Variants in MICALL1 observed in about 807,000 individuals in gnomAD.
MICALL1 encodes the protein MICAL like 1.
A neutral mutation model predicts 83.7 loss-of-function variants in MICALL1; 61 were observed. That is an observed-to-expected ratio of 0.73 (90% CI 0.59 to 0.90). MICALL1 has a LOEUF of 0.90. Ranked by LOEUF, MICALL1 falls within the 40% of genes least tolerant of loss-of-function variation. The pLI, the probability that MICALL1 is intolerant of heterozygous loss-of-function variation, is 0.00. For missense variants in MICALL1, 1,066 were observed against 1,152.0 expected, an observed-to-expected ratio of 0.93 and a Z score of 1.08; for synonymous variants, 481 against 473.6, an observed-to-expected ratio of 1.02 and a Z score of -0.20.
In MICALL1 at chr22:37,919,032, G is replaced by A; in HGVS notation, c.427-4G>A. On this transcript the variant is annotated splice_polypyrimidine_tract_variant and splice_region_variant and intron_variant, in intron 4 of 15. Transcript: ENST00000215957. ...CCCAACCTCCCCCACCTCGTTCTCT[G>A]CAGGGCGAGGAGCTCTCCTCAGGCA... is the stretch of plus-strand genomic sequence containing the variant. 2.1e-5 allele frequency: 32 copies of A among 1,546,808 alleles called. No homozygotes were observed. The highest frequency in any genetic ancestry group is 2.7e-5 in the Non-Finnish European group (31 of 1,143,892).
chr22:37,931,379 A>T (rs1929776467), intron 9 of MICALL1, among the ~76,000 whole-genome samples: 1 of 133,220 alleles, frequency 7.5e-6, no homozygotes, highest in Non-Finnish European at 1.5e-5. Context: ...CTGTCTTTAC[A>T]AAAAAAAAAA....
chr22:37,940,610 C>A, intron 15 of MICALL1, 99 bp from the exon 16 acceptor site: 1 of 1,459,606 alleles, frequency 6.9e-7, no homozygotes, highest in Non-Finnish European at 9.4e-7. Context: ...CTGGGCTGAG[C>A]CCTGCTGCCC....
intron 3 of MICALL1, among the ~76,000 whole-genome samples, chr22:37,913,695 A>G (rs1397010911): frequency 1.3e-5 from 2 of 152,126 alleles, no homozygotes; most frequent in Non-Finnish European, 2.9e-5. Flanking sequence ...GAGATGAGAT[A>G]GGCCTAGAGA....
At position 37,938,359 on chromosome 22, in the gene MICALL1, G is replaced by A. The variant is rs536728756; in HGVS notation, c.2470+567G>A. ...GGAGCTTGCAGTGAGCCGAGATCACGCCAGTGCACTCCAGCCTGGGTGACA... is the reference window on the plus strand; with the variant it reads ...GGAGCTTGCAGTGAGCCGAGATCACACCAGTGCACTCCAGCCTGGGTGACA... On this transcript the variant is annotated intron_variant, in intron 15 of 15. Coordinates refer to ENST00000215957, the MANE Select transcript of MICALL1 (RefSeq NM_033386.4). Among the ~76,000 whole-genome samples the A allele has an allele frequency of 1.8e-3, 260 of 143,948 alleles. 1 individual carries two copies. The highest frequency in any genetic ancestry group is 0.015 in the South Asian group (67 of 4,472). The allele number at this position is 143,948 out of a possible 152,430, so 94.4% of individuals were successfully genotyped here.
In MICALL1 at chr22:37,925,869, G is replaced by A. The variant is rs1242315888; in HGVS notation, c.1291G>A (p.Glu431Lys). 1.9e-6 allele frequency: 3 copies of A among 1,613,830 alleles called. No homozygotes were observed. The highest frequency in any genetic ancestry group is 2.2e-5 in the South Asian group (2 of 91,064). Residue 431 changes from glutamate to lysine, a missense_variant, in exon 8 of 16, where the codon GAG becomes AAG. By Grantham distance (56) the Glu-to-Lys change is moderately conservative. Transcript: ENST00000215957. ...SKPYNPFEEE[E>K]EDKEEEAPAA... ...ACCCTATAACCCCTTTGAGGAGGAG[G>A]AGGAGGACAAGGAGGAAGAGGCTCC...
At chr22:37,908,906 G>A (rs1928139456) in intron 1 of MICALL1, among the ~76,000 whole-genome samples, 1 of 152,194 alleles carries the variant, frequency 6.6e-6, no homozygotes. Flanking sequence ...CAAGGGGCGG[G>A]AGGTGTGTGC....
intron 3 of MICALL1, 116 bp downstream of exon 3, chr22:37,912,608 C>T: frequency 1.1e-6 from 1 of 898,944 alleles, no homozygotes; most frequent in Non-Finnish European, 1.6e-6. Context: ...GTGTGTCATT[C>T]ATTTACTTAT....
Position 37,924,789 on chromosome 22 carries a change from G to A in MICALL1, c.1082+72G>A. 2.0e-6 allele frequency: 3 copies of A among 1,516,228 alleles called. No homozygotes were observed. The highest frequency in any genetic ancestry group is 2.7e-6 in the Non-Finnish European group (3 of 1,101,818). The allele number at this position is 1,516,228 out of a possible 1,614,324, so 93.9% of individuals were successfully genotyped here. ...TGGGAATCAGGGTACTCTGGGGCCGGGTAGGGAGAGAGGCTTCCTGTGGAT... is the reference window on the plus strand; with the variant it reads ...TGGGAATCAGGGTACTCTGGGGCCGAGTAGGGAGAGAGGCTTCCTGTGGAT... On this transcript the variant is annotated intron_variant, in intron 7 of 15. Coordinates refer to ENST00000215957, the MANE Select transcript of MICALL1 (RefSeq NM_033386.4). The surrounding 1 kb of genome is among the most constrained non-coding windows in gnomAD (Gnocchi z 5.2).
chr22:37,921,891 G>T (rs535300857), intron 5 of MICALL1, 81 bp from the exon 6 acceptor site: 15 of 1,380,482 alleles, frequency 1.1e-5, no homozygotes, highest in Non-Finnish European at 1.2e-5. Context: ...GGAGGAGACA[G>T]CCCTGGGTGC....
Position 37,925,667 on chromosome 22 carries a change from A to G in MICALL1, c.1089A>G (p.Pro363=). 1 of 1,519,770 alleles carries G rather than the reference A, an allele frequency of 6.6e-7. No homozygotes were observed. Among genetic ancestry groups the G allele is most frequent in the Non-Finnish European group, 8.9e-7 (1 of 1,125,442 alleles). The allele number at this position is 1,519,770 out of a possible 1,614,324, so 94.1% of individuals were successfully genotyped here. A position where few individuals can be genotyped will look rare whatever the true frequency, so the allele number is the denominator to read the frequency against. ...TGCTTCCCCCCTCCTCCAGGACACCAGCCCCCAGGAAGGACCCCCCATGGA... is the reference window on the plus strand; with the variant it reads ...TGCTTCCCCCCTCCTCCAGGACACCGGCCCCCAGGAAGGACCCCCCATGGA... ...RGTPKPSEGT[P]APRKDPPWIT... is the part of the protein sequence containing the mutation. The change falls in exon 8 of 16, where the codon CCA becomes CCG. Residue 363 remains proline, a synonymous_variant. Transcript: ENST00000215957.
chr22:37,906,374 C>T lies in MICALL1; in HGVS notation c.-49C>T. 1 of 1,046,152 alleles carries T rather than the reference C, an allele frequency of 9.6e-7. No individual in the cohort carries two copies. Among genetic ancestry groups the T allele is most frequent in the South Asian group, 4.4e-5 (1 of 22,674 alleles). 64.8% of individuals were successfully genotyped at this position (1,046,152 alleles called of 1,614,324 possible). On this transcript the variant is annotated 5_prime_UTR_variant, in exon 1 of 16. Coordinates refer to ENST00000215957, the MANE Select transcript of MICALL1 (RefSeq NM_033386.4). This position sits in a 1 kb window ranked among gnomAD's most constrained non-coding sequence, Gnocchi z 4.4. ...CCCGCGCGGCGGCCGCCGTCCCGGC[C>T]AAGCCGGGGCCCCGAAGCCAGAGCC...
chr22:37,921,703 C>T (rs1929042018), intron 5 of MICALL1, among the ~76,000 whole-genome samples: 1 of 152,234 alleles, frequency 6.6e-6, no homozygotes, highest in African/African-American at 2.4e-5. Context: ...TCAGGGGGAC[C>T]TTTGCTTCTT....
intron 5 of MICALL1, among the ~76,000 whole-genome samples, chr22:37,919,663 G>GA (rs1423791675): frequency 2.9e-5 from 4 of 139,426 alleles, no homozygotes; most frequent in African/African-American, 7.9e-5. Flanking sequence ...AAAGGCCATT[G>GA]AAAAAATAAA....
At chr22:37,912,134 A>C (rs1601805251) in intron 2 of MICALL1, 134 bp downstream of exon 2, 1 of 1,180,682 alleles carries the variant, frequency 8.5e-7, no homozygotes, top group Admixed American at 1.9e-5. Flanking sequence ...ACCTTTCCCC[A>C]CCCTCTGCTT....
At chr22:37,929,954 G>A (rs1168519202) in intron 9 of MICALL1, among the ~76,000 whole-genome samples, 1 of 152,214 alleles carries the variant, frequency 6.6e-6, no homozygotes, top group African/African-American at 2.4e-5. Flanking sequence ...CCTCCCACCT[G>A]CTGTGTGTCC....
At position 37,942,238 on chromosome 22, in the gene MICALL1, TGA is replaced by T. The variant is rs1930471627; in HGVS notation, c.*1409_*1410del. 1 of 152,268 alleles carries T rather than the reference TGA, an allele frequency of 6.6e-6. No homozygotes were observed. Among genetic ancestry groups the T allele is most frequent in the African/African-American group, 2.4e-5 (1 of 41,478 alleles). The allele number at this position is 152,268 out of a possible 1,614,324, so 9.4% of individuals were successfully genotyped here. On this transcript the variant is annotated 3_prime_UTR_variant, in exon 16 of 16. Transcript: ENST00000215957. Reference sequence around the variant, plus strand: ...GCAGGCTCCTTCTAAACATGCCTGTTGACCTGGAGCTGGCGCCACCAACTCCA... The same window carrying T: ...GCAGGCTCCTTCTAAACATGCCTGTTCCTGGAGCTGGCGCCACCAACTCCA...
At chr22:37,933,590 G>C (rs1244589054) in intron 13 of MICALL1, among the ~76,000 whole-genome samples, 1 of 152,178 alleles carries the variant, frequency 6.6e-6, no homozygotes, top group Non-Finnish European at 1.5e-5. Context: ...CGTGGACTCT[G>C]TACCCTCTGA....
At position 37,932,608 on chromosome 22, in the gene MICALL1, T is replaced by G. The variant is rs374260704; in HGVS notation, c.2072T>G (p.Ile691Ser). ...GACATCCATGGAGAGATGGATACCA[T>G]TGAGCGCCGGCTGGATGCCCTGGAG... ...EEDIHGEMDT[I>S]ERRLDALEHR... Residue 691 changes from isoleucine (I) to serine (S), a missense_variant, in exon 11 of 16, where the codon ATT becomes AGT. Ile to Ser is a moderately radical substitution (Grantham distance 142, BLOSUM62 -2). Coordinates refer to ENST00000215957, the MANE Select transcript of MICALL1 (RefSeq NM_033386.4). This position sits in a 1 kb window ranked among gnomAD's most constrained non-coding sequence, Gnocchi z 4.4. 6.2e-7 allele frequency: 1 copy of G among 1,614,146 alleles called. No individual in the cohort carries two copies. The highest frequency in any genetic ancestry group is 1.7e-5 in the Admixed American group (1 of 60,024).
chr22:37,906,521 C>A lies in MICALL1; in HGVS notation c.99C>A (p.Asp33Glu). ...EIRDLSSSFR[D>E]GLAFCAILHR... ...GCGACCTGAGCAGCTCCTTCCGGGA[C>A]GGCCTGGCCTTCTGCGCCATCCTGC... The change falls in exon 1 of 16, where the codon GAC (aspartate) becomes GAA (glutamate). Residue 33 changes from aspartate to glutamate, a missense_variant. Coordinates refer to ENST00000215957, the MANE Select transcript of MICALL1 (RefSeq NM_033386.4). The surrounding 1 kb of genome is among the most constrained non-coding windows in gnomAD (Gnocchi z 4.4). 8.1e-7 allele frequency: 1 copy of A among 1,240,710 alleles called. No homozygotes were observed. 76.9% of individuals were successfully genotyped at this position (1,240,710 alleles called of 1,614,324 possible).
Sources: allele counts gnomAD v4.1 joint callset (sites outside exome capture counted in the v4.1 genomes callset), GRCh38; gene constraint gnomAD v4.1.1; non-coding constraint Gnocchi (gnomAD v3.1); transcripts MANE v1.5; gene names NCBI Gene and HGNC (gene_info 2026-07-23, HGNC 2026-07-21).